The following NRXN3 variants were observed in gnomAD, a reference collection of about 807,000 sequenced individuals.
NRXN3 encodes the protein neurexin III.
NRXN3 carries 32 observed loss-of-function variants against 137.6 expected under a neutral mutation model. That is an observed-to-expected ratio of 0.23 (90% CI 0.18 to 0.31). NRXN3 has a LOEUF of 0.31. NRXN3 is among the 10% of genes least tolerant of loss of function. The pLI is 1.00. For synonymous variants in NRXN3, 798 were observed against 784.5 expected (o/e 1.02, Z -0.29); for missense variants, 1,574 against 2,062.5 (o/e 0.76, Z 4.59).
intron 6 of NRXN3, among the ~76,000 whole-genome samples, chr14:78,707,552 T>A (rs1467031616): frequency 1.3e-5 from 2 of 152,206 alleles, no homozygotes; most frequent in Non-Finnish European, 2.9e-5. Flanking sequence ...GTTTAGAAAG[T>A]CATAACAGAT....
chr14:79,817,346 C>G (rs1366158854), intron 20 of NRXN3, among the ~76,000 whole-genome samples: 1 of 152,146 alleles, frequency 6.6e-6, no homozygotes, highest in East Asian at 1.9e-4. Flanking sequence ...AGCCACCGTT[C>G]CGGGCCTCCC....
intron 15 of NRXN3, among the ~76,000 whole-genome samples, chr14:79,164,421 C>G (rs998359122): frequency 4.6e-5 from 7 of 151,944 alleles, no homozygotes; most frequent in Admixed American, 6.6e-5. Flanking sequence ...AAGTAAACAT[C>G]TAGTCCATTT....
chr14:78,553,159 T>G (rs2152212093), intron 4 of NRXN3, among the ~76,000 whole-genome samples: 1 of 152,316 alleles, frequency 6.6e-6, no homozygotes. Context: ...TTTTTTGAAT[T>G]TTGGCTACTA....
intron 15 of NRXN3, among the ~76,000 whole-genome samples, chr14:79,104,403 G>A (rs1442887534): frequency 6.6e-6 from 1 of 152,136 alleles, no homozygotes; most frequent in African/African-American, 2.4e-5. Flanking sequence ...GGGGAACACA[G>A]GGCACAGGAA....
At chr14:79,594,874 A>C (rs556325392) in intron 16 of NRXN3, among the ~76,000 whole-genome samples, 3 of 152,186 alleles carry the variant, frequency 2.0e-5, no homozygotes, top group Admixed American at 1.3e-4. Context: ...TTAGACAGGC[A>C]TGGTGACTTC....
intron 4 of NRXN3, among the ~76,000 whole-genome samples, chr14:78,484,027 C>CACAGAGAG (rs1229106899): frequency 7.4e-4 from 101 of 137,148 alleles, no homozygotes; most frequent in African/African-American, 2.8e-3. Context: ...CACACACACA[C>CACAGAGAG]AGAGAGAGAG....
At chr14:78,553,244 T>C (rs530150661) in intron 4 of NRXN3, among the ~76,000 whole-genome samples, 1 of 152,350 alleles carries the variant, frequency 6.6e-6, no homozygotes, top group East Asian at 1.9e-4. Flanking sequence ...AGGGGTCCTA[T>C]ATTCATTTCA....
At chr14:79,269,027 C>T (rs2078886449) in intron 15 of NRXN3, among the ~76,000 whole-genome samples, 1 of 144,656 alleles carries the variant, frequency 6.9e-6, no homozygotes, top group Non-Finnish European at 1.5e-5. Flanking sequence ...TATTTTCTTA[C>T]TAAATTTTTA....
chr14:79,523,154 T>C lies in NRXN3; in HGVS notation c.3444+55752T>C, dbSNP rs568251201. 2.0e-5 allele frequency among the ~76,000 whole-genome samples: 3 copies of C among 152,316 alleles called. No homozygotes were observed. In the East Asian group the frequency reaches 5.8e-4, roughly 29 times the overall value. On this transcript the variant is annotated intron_variant, in intron 16 of 20. Coordinates refer to ENST00000335750, the MANE Select transcript of NRXN3 (RefSeq NM_001330195.2). ...TTGGTGGACTAACATTGGTTAAACT[T>C]TGAAATTAAGAGATTTTTTTTTCCT...
Position 79,584,450 on chromosome 14 carries a change from G to T in NRXN3, c.3445-79328G>T, listed in dbSNP as rs141633685. Among the ~76,000 whole-genome samples, 30 of 152,272 alleles carry T rather than the reference G, an allele frequency of 2.0e-4. 1 individual carries two copies. In the East Asian group the frequency reaches 5.8e-3, roughly 29 times the overall value. On this transcript the variant is annotated intron_variant, in intron 16 of 20. Transcript: ENST00000335750. ...TGTGAGCTTTTGTTCCTTAGCTGGA[G>T]GATTAGAGGGAAGAAATGACATAGG...
chr14:79,806,039 A>G (rs949136311), intron 20 of NRXN3, among the ~76,000 whole-genome samples: 1 of 152,194 alleles, frequency 6.6e-6, no homozygotes, highest in African/African-American at 2.4e-5. Flanking sequence ...GAGACTTACT[A>G]TAAGTTAAAC....
intron 4 of NRXN3, among the ~76,000 whole-genome samples, chr14:78,465,617 A>AACCT (rs1322371198): frequency 6.6e-6 from 1 of 152,002 alleles, no homozygotes; most frequent in Non-Finnish European, 1.5e-5. Context: ...GGCTCGCTGC[A>AACCT]ACCTCTGCCT....
intron 15 of NRXN3, among the ~76,000 whole-genome samples, chr14:79,412,123 A>G (rs991194319): frequency 1.3e-5 from 2 of 152,130 alleles, no homozygotes; most frequent in Non-Finnish European, 2.9e-5. Flanking sequence ...AGTGAAATGT[A>G]AAAAGTGCTG....
intron 3 of NRXN3, among the ~76,000 whole-genome samples, chr14:78,289,160 G>C (rs1569325): frequency 0.46 from 70,221 of 152,048 alleles, 16,345 homozygotes; most frequent in Middle Eastern, 0.53. Flanking sequence ...TCTCAGTGCT[G>C]TGTAAAGCTT....
chr14:78,970,642 T>A (rs1233521354), intron 14 of NRXN3, among the ~76,000 whole-genome samples: 1 of 152,158 alleles, frequency 6.6e-6, no homozygotes, highest in Non-Finnish European at 1.5e-5. Context: ...GAGAATGACC[T>A]CACTTAAGAG....
intron 4 of NRXN3, among the ~76,000 whole-genome samples, chr14:78,389,344 C>T (rs1394598908): frequency 6.6e-6 from 1 of 152,140 alleles, no homozygotes. Flanking sequence ...ACGTGAGTCA[C>T]CATGCCAGGC....
chr14:78,617,180 A>G (rs1004246114), intron 4 of NRXN3, among the ~76,000 whole-genome samples: 51 of 152,338 alleles, frequency 3.3e-4, no homozygotes, highest in African/African-American at 1.2e-3. Context: ...ATTAATACAC[A>G]TAATTGCTAC....
At position 78,798,119 on chromosome 14, in the gene NRXN3, C is replaced by T. The variant is rs750817428; in HGVS notation, c.2045-5501C>T. ...CCAACAGTCCCCCAAAGTCTTAACT[C>T]ATTTCAGCATTAACTCAAAAGTCCA... On this transcript the variant is annotated intron_variant, in intron 8 of 20. Transcript: ENST00000335750. Among the ~76,000 whole-genome samples the T allele has an allele frequency of 7.9e-5, 12 of 152,324 alleles. No individual in the cohort carries two copies. In the East Asian group the frequency reaches 2.3e-3, roughly 29 times the overall value.
chr14:79,851,841 G>A (rs945493016), intron 20 of NRXN3, among the ~76,000 whole-genome samples: 25 of 152,014 alleles, frequency 1.6e-4, no homozygotes, highest in Admixed American at 1.5e-3. Flanking sequence ...TTTCCCCAAC[G>A]TACTTCAGAT....
Sources: allele counts gnomAD v4.1 joint callset (sites outside exome capture counted in the v4.1 genomes callset), GRCh38; gene constraint gnomAD v4.1.1; transcripts MANE v1.5; gene names NCBI Gene and HGNC (gene_info 2026-07-23, HGNC 2026-07-21).